SNX29: variants seen among roughly 807,000 people sequenced by gnomAD.
SNX29 encodes sorting nexin-29.
SNX29 carries 78 observed loss-of-function variants against 102.1 expected under a neutral mutation model. The observed-to-expected ratio is 0.76, with a 90% CI of 0.64 to 0.92. The LOEUF (loss-of-function observed/expected upper bound fraction) is 0.92. SNX29 is among the 40% of genes least tolerant of loss of function. The probability of loss-of-function intolerance (pLI) is 0.00; values close to 1 mark genes in which losing one functional copy is unlikely to be tolerated. For missense variants in SNX29, 1,280 were observed against 1,061.7 expected (o/e 1.21, Z -2.86); for synonymous variants, 580 against 414.5 (o/e 1.40, Z -4.85).
intron 20 of SNX29, among the ~76,000 whole-genome samples, chr16:12,563,302 C>G (rs1310565057): frequency 6.6e-6 from 1 of 152,092 alleles, no homozygotes; most frequent in Non-Finnish European, 1.5e-5. Flanking sequence ...CTCGGAAAGT[C>G]TGCTTTGTGA....
At chr16:12,540,010 G>C (rs146991776) in intron 20 of SNX29, among the ~76,000 whole-genome samples, 3 of 152,084 alleles carry the variant, frequency 2.0e-5, no homozygotes, top group Admixed American at 1.3e-4. Context: ...AGTGTCTTTT[G>C]CATGACACCT....
At chr16:12,440,177 GC>G (rs1372318183) in intron 18 of SNX29, among the ~76,000 whole-genome samples, 1 of 152,184 alleles carries the variant, frequency 6.6e-6, no homozygotes, top group African/African-American at 2.4e-5. Context: ...CCCTCCCCTT[GC>G]CTTGAGCTTC....
chr16:12,442,454 T>C (rs1240148235), intron 18 of SNX29, among the ~76,000 whole-genome samples: 1 of 152,216 alleles, frequency 6.6e-6, no homozygotes, highest in Non-Finnish European at 1.5e-5. Context: ...AAGTGTTTGT[T>C]GTAAAGGGCC....
At chr16:11,996,375 T>G (rs929685755) in intron 1 of SNX29, among the ~76,000 whole-genome samples, 1 of 152,080 alleles carries the variant, frequency 6.6e-6, no homozygotes, top group African/African-American at 2.4e-5. Flanking sequence ...AGAGATCCTG[T>G]CTCAGAAAAA....
chr16:12,466,057 T>G (rs2087037180), intron 18 of SNX29, among the ~76,000 whole-genome samples: 1 of 152,228 alleles, frequency 6.6e-6, no homozygotes, highest in Admixed American at 6.5e-5. Context: ...AGTGAAAAGC[T>G]GAAAGCGTTT....
At chr16:12,360,208 T>C (rs537999583) in intron 16 of SNX29, among the ~76,000 whole-genome samples, 1 of 152,360 alleles carries the variant, frequency 6.6e-6, no homozygotes, top group Non-Finnish European at 1.5e-5. Context: ...CAAAAGAGTT[T>C]TCCATGTCTT....
At chr16:12,261,237 C>G (rs554329385) in intron 14 of SNX29, among the ~76,000 whole-genome samples, 1 of 140,118 alleles carries the variant, frequency 7.1e-6, no homozygotes, top group Admixed American at 7.3e-5. Context: ...TTGCTGAGCT[C>G]GGGTCTGTGT....
At chr16:12,031,101 C>T (rs1490498241) in intron 4 of SNX29, among the ~76,000 whole-genome samples, 2 of 151,582 alleles carry the variant, frequency 1.3e-5, no homozygotes, top group African/African-American at 4.9e-5. Flanking sequence ...GAGACAATGT[C>T]TTGCTCTGTC....
At chr16:12,357,709 C>T (rs947964858) in intron 16 of SNX29, among the ~76,000 whole-genome samples, 6 of 152,190 alleles carry the variant, frequency 3.9e-5, no homozygotes, top group African/African-American at 1.4e-4. Flanking sequence ...CCCCACTCCC[C>T]CTAGCCCTTG....
chr16:12,457,343 G>A (rs1486534553), intron 18 of SNX29, among the ~76,000 whole-genome samples: 2 of 152,166 alleles, frequency 1.3e-5, no homozygotes, highest in African/African-American at 4.8e-5. Context: ...GGAGTCGGGG[G>A]TTAATTGAGG....
Position 12,569,362 on chromosome 16 carries a change from A to G in SNX29, c.*733A>G, listed in dbSNP as rs2079136600. 1 of 230,250 alleles carries G rather than the reference A, an allele frequency of 4.3e-6. No homozygotes were observed. The highest frequency in any genetic ancestry group is 8.6e-6 in the Non-Finnish European group (1 of 116,216). The allele number at this position is 230,250 out of a possible 1,614,324, so 14.3% of individuals were successfully genotyped here. On this transcript the variant is annotated 3_prime_UTR_variant, in exon 21 of 21. Coordinates refer to ENST00000566228, the MANE Select transcript of SNX29 (RefSeq NM_032167.5). ...CCACCTAGGCCCTCGCCAGGCTTGG[A>G]GTGGGGGGACTCAGACATCTGGCCC...
chr16:12,553,134 G>GGCTCACA (rs2078093878), intron 20 of SNX29, among the ~76,000 whole-genome samples: 1 of 152,142 alleles, frequency 6.6e-6, no homozygotes, highest in Non-Finnish European at 1.5e-5. Context: ...TTGGGCTTCT[G>GGCTCACA]GCTCACAGCT....
At chr16:12,191,523 G>A (rs889925111) in intron 13 of SNX29, among the ~76,000 whole-genome samples, 1 of 152,138 alleles carries the variant, frequency 6.6e-6, no homozygotes, top group Non-Finnish European at 1.5e-5. Flanking sequence ...GTAGCTACTA[G>A]CATCATTGTC....
chr16:12,441,481 T>C (rs1445303595), intron 18 of SNX29, among the ~76,000 whole-genome samples: 1 of 152,236 alleles, frequency 6.6e-6, no homozygotes, highest in East Asian at 1.9e-4. Context: ...ATTTGGGTTG[T>C]TCCCCATTTA....
intron 18 of SNX29, among the ~76,000 whole-genome samples, chr16:12,449,140 G>C (rs1027251289): frequency 6.6e-6 from 1 of 152,154 alleles, no homozygotes; most frequent in Non-Finnish European, 1.5e-5. Flanking sequence ...GGGGTGGTTA[G>C]GGAAGGCAGG....
chr16:12,266,972 A>G (rs2078947576), intron 14 of SNX29, among the ~76,000 whole-genome samples: 1 of 152,120 alleles, frequency 6.6e-6, no homozygotes, highest in Admixed American at 6.5e-5. Flanking sequence ...CGTGTTGGCC[A>G]GGCTGGTCTC....
chr16:12,539,071 G>T (rs960095553), intron 20 of SNX29, among the ~76,000 whole-genome samples: 1 of 152,150 alleles, frequency 6.6e-6, no homozygotes, highest in Admixed American at 6.5e-5. Flanking sequence ...CTGGGATAGG[G>T]CCAAGTTTAA....
At chr16:12,540,068 G>C (rs984931567) in intron 20 of SNX29, among the ~76,000 whole-genome samples, 1 of 152,026 alleles carries the variant, frequency 6.6e-6, no homozygotes, top group Non-Finnish European at 1.5e-5. Flanking sequence ...TCATGCTTTT[G>C]GTGTCATGTC....
rs1048102343 is a variant in SNX29 at position 12,143,296 on chromosome 16, C to T, written c.1595+13538C>T. Among the ~76,000 whole-genome samples the T allele has an allele frequency of 7.2e-5, 11 of 152,244 alleles. No homozygotes were observed. In the South Asian group the frequency reaches 2.1e-3, roughly 29 times the overall value. ...ACAGGCATGAGCCACTGCGCCTGGC[C>T]GGCCACAAGCAAAGATTTTAACCTT... On this transcript the variant is annotated intron_variant, in intron 13 of 20. Coordinates refer to ENST00000566228, the MANE Select transcript of SNX29 (RefSeq NM_032167.5).
Sources: gnomAD v4.1 joint callset for allele counts (sites outside exome capture counted in the v4.1 genomes callset) on GRCh38, gnomAD v4.1.1 for gene constraint, MANE v1.5 for transcripts, NCBI Gene and HGNC (gene_info 2026-07-23, HGNC 2026-07-21) for gene names.